CCDC190: variants seen among roughly 807,000 people sequenced by gnomAD.
CCDC190 encodes coiled-coil domain-containing protein 190.
In CCDC190, 10 loss-of-function variants were observed where a neutral mutation model predicts 13.1. That is an observed-to-expected ratio of 0.77 (90% CI 0.47 to 1.30). CCDC190 has a LOEUF of 1.30. Ranked by LOEUF, CCDC190 falls within the 50% of genes most tolerant of loss-of-function variation. The pLI, the probability that CCDC190 is intolerant of heterozygous loss-of-function variation, is 0.00. For missense variants in CCDC190, 375 were observed against 354.3 expected (o/e 1.06, Z -0.47); for synonymous variants, 136 against 127.2 (o/e 1.07, Z -0.47).
rs1428024141 is a variant in CCDC190, at chr1:162,853,289, A to G, written c.*1476T>C. On this transcript the variant is annotated 3_prime_UTR_variant, in exon 4 of 4. Coordinates refer to ENST00000367912, the MANE Select transcript of CCDC190 (RefSeq NM_001394065.1). ...GAGATCAAATGCTAGTCTGCCATCT[A>G]TTAGCAAGTTACCACCACTCTTCCC... 4 of 634,428 alleles carry G rather than the reference A, an allele frequency of 6.3e-6. No homozygotes were observed. Among genetic ancestry groups the G allele is most frequent in the Non-Finnish European group, 1.0e-5 (4 of 383,778 alleles). The allele number at this position is 634,428 out of a possible 1,614,324, so 39.3% of individuals were successfully genotyped here.
Position 162,852,740 on chromosome 1 carries a change from G to T in CCDC190, c.*2025C>A, listed in dbSNP as rs886803769. ...TAGATGGCAGGATTGAGGTGGACCT[G>T]GAACAGAGAACTAGGCTGAAGTTGG... On this transcript the variant is annotated 3_prime_UTR_variant, in exon 4 of 4. Coordinates refer to ENST00000367912, the MANE Select transcript of CCDC190 (RefSeq NM_001394065.1). The T allele has an allele frequency of 3.0e-5, 6 of 197,732 alleles. No individual in the cohort carries two copies. The highest frequency in any genetic ancestry group is 5.5e-5 in the Admixed American group (1 of 18,116). 12.2% of individuals were successfully genotyped at this position (197,732 alleles called of 1,614,324 possible). A position where few individuals can be genotyped will look rare whatever the true frequency, so the allele number is the denominator to read the frequency against.
chr1:162,868,016 C>G (rs1704757), intron 1 of CCDC190, among the ~76,000 whole-genome samples: 103,484 of 152,032 alleles, frequency 0.68, 36,429 homozygotes, highest in Non-Finnish European at 0.78. Context: ...TTGTCGAAGC[C>G]AACAACCTAA....
chr1:162,860,621 G>A (rs1008916523), intron 1 of CCDC190, among the ~76,000 whole-genome samples: 6 of 151,398 alleles, frequency 4.0e-5, no homozygotes, highest in South Asian at 2.1e-4. Flanking sequence ...GCAGTGGCGC[G>A]ATCTCAGCTC....
intron 3 of CCDC190, 105 bp from the exon 4 acceptor site, chr1:162,855,464 A>G (rs1650268698): frequency 1.4e-6 from 2 of 1,464,878 alleles, no homozygotes; most frequent in South Asian, 2.7e-5. Context: ...CGGCCAAGGT[A>G]ATATAGGTGG....
At chr1:162,862,043 T>A (rs1650539781), upstream of CCDC190, among the ~76,000 whole-genome samples, 1 of 152,046 alleles carries the variant, frequency 6.6e-6, no homozygotes, top group Non-Finnish European at 1.5e-5. Flanking sequence ...TCTCATGAGG[T>A]AATTCCCTCA....
rs1033389194 is a variant in CCDC190, at chr1:162,853,610, T to C, written c.*1155A>G. On this transcript the variant is annotated 3_prime_UTR_variant, in exon 4 of 4. Coordinates refer to ENST00000367912, the MANE Select transcript of CCDC190 (RefSeq NM_001394065.1). The stretch of plus-strand genomic sequence containing the variant: ...TTGTAATATTAGTAGGTTGGGGTCC[T>C]TTATCATTTCTGAGCTAAATAATCT... Among the ~76,000 whole-genome samples the C allele has an allele frequency of 2.0e-5, 3 of 152,218 alleles. No homozygotes were observed. Among genetic ancestry groups the C allele is most frequent in the African/African-American group, 7.2e-5 (3 of 41,450 alleles).
intron 1 of CCDC190, 121 bp downstream of exon 1, chr1:162,860,887 G>T: frequency 3.1e-6 from 1 of 323,312 alleles, no homozygotes; most frequent in Non-Finnish European, 4.5e-6. Flanking sequence ...CAGAAAAAAA[G>T]CTTAACATTA....
chr1:162,858,786 A>G (rs560208590), intron 2 of CCDC190, among the ~76,000 whole-genome samples: 11 of 152,370 alleles, frequency 7.2e-5, no homozygotes, highest in South Asian at 4.1e-4. Flanking sequence ...CAGACTGTAC[A>G]ACTGTGACTA....
Position 162,859,469 on chromosome 1 carries a change from A to T in CCDC190, c.178T>A (p.Leu60Met). Residue 60 changes from leucine (L) to methionine (M), a missense_variant, in exon 2 of 4, where the codon TTG becomes ATG. Leu to Met is a conservative substitution (Grantham distance 15). Transcript: ENST00000367912. ...GTCCTGAAAGTCTTACCTTGCTGCA[A>T]CCTCTGCAGTTCTTTTTGGAGCTGC... Reference protein sequence around the residue: ...QRQLQKELQRLQQETMKKKFS... With the variant: ...QRQLQKELQRMQQETMKKKFS... The T allele has an allele frequency of 6.2e-7, 1 of 1,613,076 alleles. No homozygotes were observed. Among genetic ancestry groups the T allele is most frequent in the Non-Finnish European group, 8.5e-7 (1 of 1,179,520 alleles).
At position 162,859,746 on chromosome 1, in the gene CCDC190, C is replaced by G. The variant is rs541650171; in HGVS notation, c.-12-88G>C. 4.2e-5 allele frequency: 46 copies of G among 1,100,258 alleles called. No individual in the cohort carries two copies. In the African/African-American group the frequency reaches 6.8e-4, roughly 16 times the overall value. The allele number at this position is 1,100,258 out of a possible 1,614,324, so 68.2% of individuals were successfully genotyped here. ...TTTTAATCAGAGATCAGTGGTAGAA[C>G]CTGTGTATTTCTGAAACCACAGGTG... On this transcript the variant is annotated intron_variant, in intron 1 of 3. Coordinates refer to ENST00000367912, the MANE Select transcript of CCDC190 (RefSeq NM_001394065.1).
chr1:162,855,668 C>A lies in CCDC190; in HGVS notation c.275G>T (p.Arg92Met), dbSNP rs1650277130. 6.2e-7 allele frequency: 1 copy of A among 1,613,838 alleles called. No individual in the cohort carries two copies. ...EDVLVFSPQG[R>M]QKHRAPQAKK... ...AGCCTGTGGGGCTCTGTGCTTCTGCCTTCCCTGTGGTGAGAACACGAGAAC... is the reference window on the plus strand; with the variant it reads ...AGCCTGTGGGGCTCTGTGCTTCTGCATTCCCTGTGGTGAGAACACGAGAAC... The change falls in exon 3 of 4, where the codon AGG becomes ATG. Residue 92 changes from arginine to methionine, a missense_variant. Physicochemically the swap from Arg to Met is moderately conservative, Grantham distance 91. Coordinates refer to ENST00000367912, the MANE Select transcript of CCDC190 (RefSeq NM_001394065.1).
chr1:162,852,166 C>T lies in CCDC190; in HGVS notation c.*2599G>A, dbSNP rs1304850826. 6.6e-6 allele frequency: 1 copy of T among 152,154 alleles called. No homozygotes were observed. The allele number at this position is 152,154 out of a possible 1,614,324, so 9.4% of individuals were successfully genotyped here. On this transcript the variant is annotated 3_prime_UTR_variant, in exon 4 of 4. Transcript: ENST00000367912. ...GTTAATTCTTTGTTTTAGAGGGCTG[C>T]CCCATGTATTATAGAATTTATGGTC...
At chr1:162,859,790 C>A in intron 1 of CCDC190, 132 bp from the exon 2 acceptor site, 1 of 669,942 alleles carries the variant, frequency 1.5e-6, no homozygotes, top group Non-Finnish European at 2.4e-6. Context: ...GATGAAATCA[C>A]ACTATTGTTA....
At chr1:162,864,048 G>C (rs1321299216), upstream of CCDC190, among the ~76,000 whole-genome samples, 1 of 147,658 alleles carries the variant, frequency 6.8e-6, no homozygotes, top group East Asian at 2.0e-4. Flanking sequence ...TCAAGCAAAA[G>C]ATATATGAAT....
chr1:162,865,549 C>T (rs1510318), upstream of CCDC190, among the ~76,000 whole-genome samples: 122,725 of 152,076 alleles, frequency 0.81, 51,763 homozygotes, highest in Non-Finnish European at 0.94. Flanking sequence ...TGTTTCGTGT[C>T]GCTATAATGA....
At chr1:162,862,436 A>G (rs1650553678), upstream of CCDC190, among the ~76,000 whole-genome samples, 1 of 152,170 alleles carries the variant, frequency 6.6e-6, no homozygotes, top group African/African-American at 2.4e-5. Flanking sequence ...GAGGGAGCAG[A>G]GGGGTTATAT....
Position 162,854,700 on chromosome 1 carries a change from G to A in CCDC190, c.*65C>T. Reference sequence around the variant, plus strand: ...GTTTTTCTCTGTATTGCTTAATATAGTCATTTGAGGAACACATTTCCTTAG... The same window carrying A: ...GTTTTTCTCTGTATTGCTTAATATAATCATTTGAGGAACACATTTCCTTAG... On this transcript the variant is annotated 3_prime_UTR_variant, in exon 4 of 4. Coordinates refer to ENST00000367912, the MANE Select transcript of CCDC190 (RefSeq NM_001394065.1). The A allele has an allele frequency of 1.3e-6, 2 of 1,519,104 alleles. No individual in the cohort carries two copies. Among genetic ancestry groups the A allele is most frequent in the South Asian group, 2.6e-5 (2 of 75,700 alleles). 94.1% of individuals were successfully genotyped at this position (1,519,104 alleles called of 1,614,324 possible). A position where few individuals can be genotyped will look rare whatever the true frequency, so the allele number is the denominator to read the frequency against.
intron 2 of CCDC190, 146 bp from the exon 3 acceptor site, chr1:162,855,901 T>A: frequency 1.5e-6 from 1 of 658,688 alleles, no homozygotes; most frequent in Non-Finnish European, 2.5e-6. Flanking sequence ...ATGAGGTCAT[T>A]AGGGTGGGTA....
intron 2 of CCDC190, among the ~76,000 whole-genome samples, chr1:162,857,557 T>C (rs1226497571): frequency 6.6e-6 from 1 of 152,196 alleles, no homozygotes; most frequent in Non-Finnish European, 1.5e-5. Context: ...TATGCGCCTT[T>C]ATACATACTA....
Sources: allele counts gnomAD v4.1 joint callset (sites outside exome capture counted in the v4.1 genomes callset), GRCh38; gene constraint gnomAD v4.1.1; transcripts MANE v1.5; gene names NCBI Gene and HGNC (gene_info 2026-07-23, HGNC 2026-07-21).